GABRB2: variants seen among roughly 807,000 people sequenced by gnomAD.
GABRB2 encodes the protein gamma-aminobutyric acid receptor subunit beta-2.
GABRB2 carries 16 observed loss-of-function variants against 54.7 expected under a neutral mutation model. The observed-to-expected ratio is 0.29, with a 90% confidence interval of 0.20 to 0.44. The LOEUF (loss-of-function observed/expected upper bound fraction) is 0.44. GABRB2 is among the 20% of genes least tolerant of loss of function. GABRB2 has a pLI of 1.00. For synonymous variants in GABRB2, 244 were observed against 233.8 expected, an observed-to-expected ratio of 1.04 and a Z score of -0.40; for missense variants, 355 against 644.0, an observed-to-expected ratio of 0.55 and a Z score of 4.86.
upstream of GABRB2, chr5:161,547,941 C>T (rs932305663): frequency 8.5e-5 from 13 of 152,398 alleles, no homozygotes; most frequent in Admixed American, 8.5e-4. Flanking sequence ...GCTGGCGCCC[C>T]CGGCCCCTCG....
At chr5:161,495,211 T>C (rs1315947551) in intron 3 of GABRB2, among the ~76,000 whole-genome samples, 1 of 152,006 alleles carries the variant, frequency 6.6e-6, no homozygotes, top group Non-Finnish European at 1.5e-5. Flanking sequence ...AACACTGTTA[T>C]TGTAAAGAAA....
Position 161,441,886 on chromosome 5 carries a change from G to A in GABRB2, c.458+17738C>T, listed in dbSNP as rs556061809. On this transcript the variant is annotated intron_variant, in intron 4 of 9. Transcript: ENST00000393959. ...CATCTCATGTTCTCACTTATTTGGG[G>A]AATCCAAAAATCAAAACAATTGAAC... 6.0e-4 allele frequency among the ~76,000 whole-genome samples: 91 copies of A among 152,150 alleles called. 1 individual carries two copies. The South Asian group carries it at 0.01, about 17-fold the overall frequency.
intron 5 of GABRB2, among the ~76,000 whole-genome samples, chr5:161,394,578 A>T (rs1248042053): frequency 3.3e-5 from 5 of 152,100 alleles, no homozygotes; most frequent in African/African-American, 1.2e-4. Context: ...CTTTATGCCA[A>T]ATTTCAACAT....
At chr5:161,515,157 C>T (rs1037079996) in intron 3 of GABRB2, among the ~76,000 whole-genome samples, 4 of 151,998 alleles carry the variant, frequency 2.6e-5, no homozygotes, top group Admixed American at 2.0e-4. Context: ...ATCTCTTCTT[C>T]GGGTGACATT....
At chr5:161,310,988 C>T (rs1580969138) in intron 9 of GABRB2, among the ~76,000 whole-genome samples, 4 of 152,090 alleles carry the variant, frequency 2.6e-5, no homozygotes, top group Non-Finnish European at 4.4e-5. Context: ...TCTCGATCTC[C>T]TCACCTCGTG....
rs992430588 is a variant in GABRB2 at position 161,529,818 on chromosome 5, G to A, written c.237+15409C>T. On this transcript the variant is annotated intron_variant, in intron 3 of 9. Transcript: ENST00000393959. ...TTAAAAGAACAGAGAGAATTTACAT[G>A]TATTTTGATATTTGTATTCCGTATT... Among the ~76,000 whole-genome samples the A allele has an allele frequency of 7.9e-5, 12 of 152,118 alleles. No homozygotes were observed. In the East Asian group the frequency reaches 1.4e-3, roughly 17 times the overall value.
intron 5 of GABRB2, among the ~76,000 whole-genome samples, chr5:161,345,306 T>G (rs1424559585): frequency 6.6e-6 from 1 of 152,088 alleles, no homozygotes; most frequent in African/African-American, 2.4e-5. Context: ...TTCTATGCTT[T>G]AAAAACCAAA....
At chr5:161,341,705 C>G (rs968330113) in intron 5 of GABRB2, among the ~76,000 whole-genome samples, 3 of 151,320 alleles carry the variant, frequency 2.0e-5, no homozygotes, top group Admixed American at 6.6e-5. Flanking sequence ...TACACAATAA[C>G]TAAATATGAT....
intron 5 of GABRB2, among the ~76,000 whole-genome samples, chr5:161,397,316 G>A (rs1012862974): frequency 6.6e-6 from 1 of 152,098 alleles, no homozygotes; most frequent in Admixed American, 6.6e-5. Flanking sequence ...ACTCAAGGCC[G>A]GCTCATCTGT....
chr5:161,305,415 A>G (rs1757661926), intron 9 of GABRB2, among the ~76,000 whole-genome samples: 1 of 152,226 alleles, frequency 6.6e-6, no homozygotes, highest in African/African-American at 2.4e-5. Flanking sequence ...TAAGTTTTGC[A>G]ATGAGCTTAC....
chr5:161,439,672 G>C (rs1359669888), intron 4 of GABRB2, among the ~76,000 whole-genome samples: 1 of 152,170 alleles, frequency 6.6e-6, no homozygotes, highest in Non-Finnish European at 1.5e-5. Context: ...CGAAGCTAAA[G>C]AGTAGAATTT....
chr5:161,544,289 T>C (rs1760904377), intron 3 of GABRB2, among the ~76,000 whole-genome samples: 1 of 152,192 alleles, frequency 6.6e-6, no homozygotes, highest in Non-Finnish European at 1.5e-5. Context: ...AAAGTAACAC[T>C]GGAATTCTAC....
intron 5 of GABRB2, among the ~76,000 whole-genome samples, chr5:161,367,367 C>A (rs1336110440): frequency 1.3e-5 from 2 of 152,126 alleles, no homozygotes; most frequent in African/African-American, 2.4e-5. Context: ...TAGCATGAGA[C>A]CTGGCATATA....
intron 4 of GABRB2, among the ~76,000 whole-genome samples, chr5:161,429,861 A>G (rs1054423728): frequency 1.3e-5 from 2 of 152,166 alleles, no homozygotes; most frequent in Admixed American, 6.5e-5. Context: ...GTGGTGAACT[A>G]CAGAAAACCC....
intron 4 of GABRB2, among the ~76,000 whole-genome samples, chr5:161,451,128 T>C (rs1757778593): frequency 6.6e-6 from 1 of 152,190 alleles, no homozygotes; most frequent in Admixed American, 6.5e-5. Flanking sequence ...AGGAAGAGGA[T>C]AAAATTAATA....
chr5:161,332,210 G>A (rs183790444), intron 7 of GABRB2, among the ~76,000 whole-genome samples: 2 of 149,038 alleles, frequency 1.3e-5, no homozygotes, highest in African/African-American at 4.9e-5. Context: ...GAGGTTTTCA[G>A]AGTAATCCAA....
chr5:161,387,585 A>G (rs2113495364), intron 5 of GABRB2, among the ~76,000 whole-genome samples: 1 of 152,292 alleles, frequency 6.6e-6, no homozygotes, highest in South Asian at 2.1e-4. Context: ...TATGCCACAC[A>G]GAATCCATCT....
chr5:161,329,591 T>C (rs1231908977), intron 8 of GABRB2: 1 of 152,222 alleles, frequency 6.6e-6, no homozygotes, highest in Non-Finnish European at 1.5e-5. Flanking sequence ...TTGCTCCAAA[T>C]ACAACTCAAT....
intron 9 of GABRB2, among the ~76,000 whole-genome samples, chr5:161,301,422 CT>C (rs908503242): frequency 2.2e-4 from 32 of 146,474 alleles, no homozygotes; most frequent in South Asian, 6.5e-4. Flanking sequence ...TTCTTTCTTT[CT>C]TTTTTTTTTT....
Sources: gnomAD v4.1 joint callset for allele counts (sites outside exome capture counted in the v4.1 genomes callset) on GRCh38, gnomAD v4.1.1 for gene constraint, MANE v1.5 for transcripts, NCBI Gene and HGNC (gene_info 2026-07-23, HGNC 2026-07-21) for gene names.